The following MALRD1 variants were observed in gnomAD, a reference collection of about 807,000 sequenced individuals.
The protein encoded by MALRD1 is MAM and LDL-receptor class A domain-containing protein 1.
In MALRD1, 247 loss-of-function variants were observed where a neutral mutation model predicts 242.1. That is an observed-to-expected ratio of 1.02 (90% CI 0.92 to 1.13). The LOEUF (loss-of-function observed/expected upper bound fraction) is 1.13, where lower values mean the gene tolerates loss of function less well. Ranked by LOEUF, MALRD1 falls within the 50% of genes most tolerant of loss-of-function variation. The pLI is 0.00. For missense variants in MALRD1, 2,989 were observed against 2,533.1 expected (o/e 1.18, Z -3.86); for synonymous variants, 995 against 866.6 (o/e 1.15, Z -2.60).
intron 32 of MALRD1, among the ~76,000 whole-genome samples, chr10:19,561,467 A>G (rs1000662938): frequency 6.6e-6 from 1 of 152,150 alleles, no homozygotes; most frequent in Non-Finnish European, 1.5e-5. Context: ...ATTGGCAAGT[A>G]TTTCCCTTTG....
intron 33 of MALRD1, among the ~76,000 whole-genome samples, chr10:19,592,322 G>A (rs746258423): frequency 3.9e-5 from 6 of 152,206 alleles, no homozygotes; most frequent in East Asian, 1.9e-4. Context: ...CCGATACCAC[G>A]GGGAGCTCTG....
intron 18 of MALRD1, among the ~76,000 whole-genome samples, chr10:19,232,502 C>A (rs749733990): frequency 6.6e-6 from 1 of 151,858 alleles, no homozygotes; most frequent in African/African-American, 2.4e-5. Flanking sequence ...TAACTACTAA[C>A]CTAAATTATT....
At chr10:19,453,428 ATGT>A (rs1835434246) in intron 29 of MALRD1, among the ~76,000 whole-genome samples, 1 of 152,186 alleles carries the variant, frequency 6.6e-6, no homozygotes, top group Admixed American at 6.5e-5. Context: ...AAATATTCTA[ATGT>A]TGTTTATAGT....
Position 19,129,674 on chromosome 10 carries a change from T to C in MALRD1, c.1110+1287T>C, listed in dbSNP as rs564607590. Among the ~76,000 whole-genome samples the C allele has an allele frequency of 8.6e-5, 13 of 151,470 alleles. No homozygotes were observed. In the South Asian group the frequency reaches 1.3e-3, roughly 15 times the overall value. On this transcript the variant is annotated intron_variant, in intron 8 of 39. Transcript: ENST00000454679. The stretch of plus-strand genomic sequence containing the variant: ...CTATTGATTAGGAAATTAACAGGTT[T>C]TTGGGAACTATCTGCCAGAAACTGG...
intron 28 of MALRD1, among the ~76,000 whole-genome samples, chr10:19,430,560 CTATAA>C (rs1191513948): frequency 2.0e-5 from 3 of 151,998 alleles, no homozygotes; most frequent in Non-Finnish European, 2.9e-5. Flanking sequence ...TCCCTTTTTG[CTATAA>C]TATAATAAAA....
chr10:19,585,202 A>G (rs1199833256), intron 33 of MALRD1, among the ~76,000 whole-genome samples: 6 of 152,044 alleles, frequency 3.9e-5, no homozygotes, highest in African/African-American at 1.4e-4. Flanking sequence ...GTGTCTTTTA[A>G]TTGGAGCATT....
chr10:19,706,675 G>T (rs1279717546), intron 38 of MALRD1, among the ~76,000 whole-genome samples: 1 of 151,986 alleles, frequency 6.6e-6, no homozygotes, highest in African/African-American at 2.4e-5. Flanking sequence ...GAAAAAAAGG[G>T]CCGAGTGTTG....
At chr10:19,702,220 T>C (rs1192790039) in intron 38 of MALRD1, among the ~76,000 whole-genome samples, 1 of 152,172 alleles carries the variant, frequency 6.6e-6, no homozygotes, top group African/African-American at 2.4e-5. Flanking sequence ...TTTTAGGAAA[T>C]ATTCAAGTGA....
At chr10:19,184,035 C>A (rs1489873657) in intron 14 of MALRD1, among the ~76,000 whole-genome samples, 2 of 152,156 alleles carry the variant, frequency 1.3e-5, no homozygotes, top group Non-Finnish European at 1.5e-5. Flanking sequence ...CATATCTCAA[C>A]AAAACTTCTC....
intron 36 of MALRD1, among the ~76,000 whole-genome samples, chr10:19,657,518 T>G (rs979563850): frequency 6.6e-6 from 1 of 151,648 alleles, no homozygotes; most frequent in African/African-American, 2.4e-5. Context: ...GACAGTAAAT[T>G]ACAGAATTGA....
rs181209127 is a variant in MALRD1 at position 19,384,565 on chromosome 10, G to A, written c.4442-2963G>A. On this transcript the variant is annotated intron_variant, in intron 26 of 39. Transcript: ENST00000454679. ...TACTATATATTATATATTATATAGT[G>A]TATATAATATAATATTTACTATATA... Among the ~76,000 whole-genome samples, 10 of 115,888 alleles carry A rather than the reference G, an allele frequency of 8.6e-5. No homozygotes were observed. The South Asian group carries it at 2.3e-3, about 27-fold the overall frequency. 76.0% of individuals were successfully genotyped at this position (115,888 alleles called of 152,430 possible).
chr10:19,161,758 A>T (rs1040991975), intron 12 of MALRD1, among the ~76,000 whole-genome samples: 18 of 152,124 alleles, frequency 1.2e-4, no homozygotes. Context: ...GGCCAGGCGC[A>T]GTGGCTCTGG....
chr10:19,460,548 A>C (rs1315777717), intron 29 of MALRD1, among the ~76,000 whole-genome samples: 2 of 152,170 alleles, frequency 1.3e-5, no homozygotes, highest in African/African-American at 2.4e-5. Flanking sequence ...GTATTGGAGC[A>C]AGCCACTGAA....
intron 26 of MALRD1, among the ~76,000 whole-genome samples, chr10:19,359,337 C>T (rs1844787305): frequency 6.6e-6 from 1 of 152,090 alleles, no homozygotes; most frequent in African/African-American, 2.4e-5. Flanking sequence ...ATTGACATCA[C>T]CCCAAACACA....
chr10:19,308,754 G>T (rs1369761309), intron 21 of MALRD1, among the ~76,000 whole-genome samples: 1 of 151,596 alleles, frequency 6.6e-6, no homozygotes, highest in African/African-American at 2.4e-5. Flanking sequence ...GAAAAAGTGT[G>T]CCTTTCCTAT....
intron 38 of MALRD1, among the ~76,000 whole-genome samples, chr10:19,699,691 C>T (rs1357921635): frequency 6.6e-6 from 1 of 152,078 alleles, no homozygotes; most frequent in Non-Finnish European, 1.5e-5. Flanking sequence ...GGGTAGGCTT[C>T]AGGAGGCTTT....
intron 1 of MALRD1, among the ~76,000 whole-genome samples, chr10:19,061,942 A>C (rs1249253012): frequency 6.6e-6 from 1 of 152,202 alleles, no homozygotes; most frequent in Non-Finnish European, 1.5e-5. Flanking sequence ...TGAAATTAAA[A>C]ACTTCTATTC....
intron 32 of MALRD1, among the ~76,000 whole-genome samples, chr10:19,558,543 A>AT (rs1835823792): frequency 6.6e-6 from 1 of 152,044 alleles, no homozygotes; most frequent in East Asian, 1.9e-4. Flanking sequence ...ACATTAATTG[A>AT]TTTTCCAATG....
intron 1 of MALRD1, among the ~76,000 whole-genome samples, chr10:19,062,721 G>T (rs1834858409): frequency 6.6e-6 from 1 of 152,186 alleles, no homozygotes; most frequent in African/African-American, 2.4e-5. Flanking sequence ...GTGGTTGCCA[G>T]GGTTTGAGTA....
Sources: allele counts gnomAD v4.1 joint callset (sites outside exome capture counted in the v4.1 genomes callset), GRCh38; gene constraint gnomAD v4.1.1; transcripts MANE v1.5; gene names NCBI Gene and HGNC (gene_info 2026-07-23, HGNC 2026-07-21).